ABCC4: variants seen among roughly 807,000 people sequenced by gnomAD.
ABCC4 encodes the protein ATP-binding cassette sub-family C member 4.
ABCC4 carries 102 observed loss-of-function variants against 168.5 expected under a neutral mutation model. The observed-to-expected ratio is 0.61, with a 90% CI of 0.52 to 0.71. ABCC4 has a LOEUF of 0.71. Ranked by LOEUF, ABCC4 falls within the 30% of genes least tolerant of loss-of-function variation. ABCC4 has a pLI of 0.00. For missense variants in ABCC4, 1,402 were observed against 1,605.8 expected (o/e 0.87, Z 2.17); for synonymous variants, 617 against 590.7 (o/e 1.04, Z -0.65).
chr13:95,235,406 C>T (rs1162312079), intron 3 of ABCC4, among the ~76,000 whole-genome samples: 1 of 152,092 alleles, frequency 6.6e-6, no homozygotes, highest in Non-Finnish European at 1.5e-5. Context: ...GCACACTTGG[C>T]AAACTACCAA....
chr13:95,077,390 G>A (rs973849408), intron 21 of ABCC4, among the ~76,000 whole-genome samples: 2 of 152,046 alleles, frequency 1.3e-5, no homozygotes, highest in Non-Finnish European at 2.9e-5. Context: ...CCAGGCTTGA[G>A]TGCAATGGCA....
At chr13:95,067,901 C>T (rs975726995) in intron 25 of ABCC4, among the ~76,000 whole-genome samples, 1 of 152,110 alleles carries the variant, frequency 6.6e-6, no homozygotes, top group Non-Finnish European at 1.5e-5. Flanking sequence ...AAATCAACCA[C>T]AAAACCATCT....
At position 95,270,086 on chromosome 13, in the gene ABCC4, G is replaced by A. The variant is rs906955707; in HGVS notation, c.75-22333C>T. 5.3e-5 allele frequency among the ~76,000 whole-genome samples: 8 copies of A among 152,042 alleles called. No individual in the cohort carries two copies. The East Asian group carries it at 1.2e-3, about 22-fold the overall frequency. On this transcript the variant is annotated intron_variant, in intron 1 of 30. Coordinates refer to ENST00000645237, the MANE Select transcript of ABCC4 (RefSeq NM_005845.5). The stretch of plus-strand genomic sequence containing the variant: ...GATAAAGGAAGGGAGGGAGGAAGAC[G>A]ACCAGAAAATCCACATTTGTATAGC...
At chr13:95,083,530 CTT>C (rs372137669) in intron 20 of ABCC4, among the ~76,000 whole-genome samples, 16 of 138,686 alleles carry the variant, frequency 1.2e-4, no homozygotes, top group Admixed American at 1.4e-4. Flanking sequence ...TTTCCTTTTT[CTT>C]TTTTTTTTTT....
At chr13:95,178,190 TA>T in intron 11 of ABCC4, 99 bp from the exon 12 acceptor site, 2 of 1,022,744 alleles carry the variant, frequency 2.0e-6, no homozygotes, top group Non-Finnish European at 3.0e-6. Context: ...CTTTGCACAT[TA>T]GTTCTTCAGA....
intron 26 of ABCC4, among the ~76,000 whole-genome samples, chr13:95,059,099 C>T (rs577484971): frequency 1.3e-5 from 2 of 152,350 alleles, no homozygotes; most frequent in Admixed American, 6.5e-5. Context: ...CACACTAAAT[C>T]ATGTTGCAAA....
At chr13:95,120,386 G>T (rs1421140508) in intron 19 of ABCC4, among the ~76,000 whole-genome samples, 1 of 152,004 alleles carries the variant, frequency 6.6e-6, no homozygotes, top group South Asian at 2.1e-4. Context: ...CCAAGATGGT[G>T]AAACCCTGTC....
chr13:95,021,502 G>T lies in ABCC4; in HGVS notation c.*73C>A. 1 of 1,054,196 alleles carries T rather than the reference G, an allele frequency of 9.5e-7. No individual in the cohort carries two copies. The highest frequency in any genetic ancestry group is 1.4e-6 in the Non-Finnish European group (1 of 698,912). The allele number at this position is 1,054,196 out of a possible 1,614,324, so 65.3% of individuals were successfully genotyped here. A position where few individuals can be genotyped will look rare whatever the true frequency, so the allele number is the denominator to read the frequency against. ...ATATTTGTTGCCAAAGTAAAAAAAA[G>T]TACAATGTGGTTTACATAGTCCAAA... is the stretch of plus-strand genomic sequence containing the variant. On this transcript the variant is annotated 3_prime_UTR_variant, in exon 31 of 31. Transcript: ENST00000645237.
chr13:95,098,642 A>G (rs904542319), intron 20 of ABCC4, among the ~76,000 whole-genome samples: 2 of 152,214 alleles, frequency 1.3e-5, no homozygotes, highest in Non-Finnish European at 2.9e-5. Context: ...CAAATGCCTA[A>G]TATTAAACAT....
chr13:95,171,146 A>C (rs1332878357), intron 13 of ABCC4, among the ~76,000 whole-genome samples: 2 of 150,578 alleles, frequency 1.3e-5, no homozygotes, highest in African/African-American at 2.5e-5. Flanking sequence ...CTAGATACGA[A>C]AACAAATGCT....
chr13:95,206,414 C>T (rs2038781336), intron 8 of ABCC4, 118 bp downstream of exon 8: 10 of 1,357,976 alleles, frequency 7.4e-6, no homozygotes, highest in Middle Eastern at 2.5e-4. Context: ...AATGGCGGCA[C>T]GTTTTGGTTA....
At chr13:95,079,862 A>G (rs1368336204) in intron 21 of ABCC4, among the ~76,000 whole-genome samples, 2 of 152,128 alleles carry the variant, frequency 1.3e-5, no homozygotes, top group Non-Finnish European at 2.9e-5. Flanking sequence ...GAAAACAAAA[A>G]AAACACTGCC....
chr13:95,046,719 C>T (rs1376992220), intron 27 of ABCC4, among the ~76,000 whole-genome samples: 9 of 151,812 alleles, frequency 5.9e-5, no homozygotes, highest in Non-Finnish European at 1.2e-4. Context: ...GCCAAGATCG[C>T]GCCACTGCAC....
At chr13:95,114,416 C>T (rs1180757127) in intron 20 of ABCC4, among the ~76,000 whole-genome samples, 1 of 152,176 alleles carries the variant, frequency 6.6e-6, no homozygotes, top group Non-Finnish European at 1.5e-5. Context: ...CAGAAACTTT[C>T]ACAAAATCTT....
At chr13:95,169,442 G>A (rs2037392321) in intron 14 of ABCC4, among the ~76,000 whole-genome samples, 1 of 152,142 alleles carries the variant, frequency 6.6e-6, no homozygotes, top group South Asian at 2.1e-4. Flanking sequence ...CAGGGCCTCT[G>A]ACAACTGCTC....
At chr13:95,147,260 C>T (rs934753335) in intron 19 of ABCC4, among the ~76,000 whole-genome samples, 34 of 152,224 alleles carry the variant, frequency 2.2e-4, no homozygotes, top group Non-Finnish European at 4.1e-4. Context: ...CAGTACTTTA[C>T]GGCATTTTAA....
chr13:95,062,114 A>C (rs1002241644), intron 26 of ABCC4, among the ~76,000 whole-genome samples: 1 of 152,178 alleles, frequency 6.6e-6, no homozygotes, highest in Non-Finnish European at 1.5e-5. Context: ...GATCGTAAGG[A>C]AGATGAAGCA....
chr13:95,067,877 T>G (rs1485988752), intron 25 of ABCC4, among the ~76,000 whole-genome samples: 2 of 152,030 alleles, frequency 1.3e-5, no homozygotes, highest in Non-Finnish European at 2.9e-5. Context: ...GGCCCAGTAC[T>G]CTCTAAAATG....
chr13:95,096,005 A>C (rs781152064), intron 20 of ABCC4: 3 of 405,754 alleles, frequency 7.4e-6, no homozygotes, highest in Non-Finnish European at 1.3e-5. Flanking sequence ...AAAGTATAAG[A>C]GCAAAACAAA....
Sources: allele counts gnomAD v4.1 joint callset (sites outside exome capture counted in the v4.1 genomes callset), GRCh38; gene constraint gnomAD v4.1.1; transcripts MANE v1.5; gene names NCBI Gene and HGNC (gene_info 2026-07-23, HGNC 2026-07-21).